The following MYO1C variants were observed in gnomAD, a reference collection of about 807,000 sequenced individuals.
MYO1C encodes myosin IC, also known as unconventional myosin-Ic.
MYO1C carries 104 observed loss-of-function variants against 150.8 expected under a neutral mutation model. The ratio of observed to expected loss-of-function variants is 0.69; its 90% CI spans 0.59 to 0.81. The LOEUF is 0.81. MYO1C is among the 30% of genes least tolerant of loss of function. MYO1C has a pLI of 0.00. For synonymous variants in MYO1C, 663 were observed against 579.9 expected (o/e 1.14, Z -2.06); for missense variants, 1,504 against 1,435.0 (o/e 1.05, Z -0.78).
Position 1,483,665 on chromosome 17 carries a change from G to A in MYO1C, c.292C>T (p.Arg98Trp), listed in dbSNP as rs774773006. Reference sequence around the variant, plus strand: ...CCACGGTAACGCTCCATATGCTGCCGGCTGTAGATCTGCAGGTCCCGGTAG... The same window carrying A: ...CCACGGTAACGCTCCATATGCTGCCAGCTGTAGATCTGCAGGTCCCGGTAG... ...NPYRDLQIYSRQHMERYRGVS... is the reference protein window; with the variant it reads ...NPYRDLQIYSWQHMERYRGVS... Residue 98 changes from arginine to tryptophan, a missense_variant, in exon 3 of 32, where the codon CGG becomes TGG. By Grantham distance (101) the Arg-to-Trp change is moderately radical (BLOSUM62 -3). Coordinates refer to ENST00000648651, the MANE Select transcript of MYO1C (RefSeq NM_001080779.2). 2.6e-5 allele frequency: 42 copies of A among 1,613,220 alleles called. No individual in the cohort carries two copies. In the Middle Eastern group the frequency reaches 6.6e-4, roughly 25 times the overall value.
intron 3 of MYO1C, among the ~76,000 whole-genome samples, chr17:1,483,274 G>T (rs2074575320): frequency 6.6e-6 from 1 of 152,104 alleles, no homozygotes; most frequent in South Asian, 2.1e-4. Flanking sequence ...GCTCTCACAG[G>T]TGGGAGGCTG....
At chr17:1,466,047 C>A (rs1030432776) in intron 31 of MYO1C, among the ~76,000 whole-genome samples, 1 of 152,020 alleles carries the variant, frequency 6.6e-6, no homozygotes, top group African/African-American at 2.4e-5. Context: ...TCAGACCTGA[C>A]TCCCATAGGA....
chr17:1,474,584 T>C lies in MYO1C; in HGVS notation c.1797+26A>G, dbSNP rs2286871. 1,432,528 of 1,611,840 alleles carry C rather than the reference T, an allele frequency of 0.89. 639,636 individuals carry two copies. The highest frequency in any genetic ancestry group is 0.92 in the African/African-American group (68,640 of 74,988). ...ATGCACACTCAGGCGCATGCACCCC[T>C]GCGCCCGGTCCCGCCACCTCCTCAC... is the stretch of plus-strand genomic sequence containing the variant. On this transcript the variant is annotated intron_variant, in intron 17 of 31. Coordinates refer to ENST00000648651, the MANE Select transcript of MYO1C (RefSeq NM_001080779.2).
In MYO1C at chr17:1,472,027, G is replaced by A; in HGVS notation, c.1904-3C>T. On this transcript the variant is annotated splice_polypyrimidine_tract_variant and splice_region_variant and intron_variant, in intron 18 of 31. Transcript: ENST00000648651. The stretch of plus-strand genomic sequence containing the variant: ...GATCAGCACCTCGTCAAAGCGGCCT[G>A]GGGTAGGGGGAGCGCCGTGGTCAGC... 6.2e-7 allele frequency: 1 copy of A among 1,613,922 alleles called. No individual in the cohort carries two copies. Among genetic ancestry groups the A allele is most frequent in the Non-Finnish European group, 8.5e-7 (1 of 1,179,916 alleles).
At position 1,470,473 on chromosome 17, in the gene MYO1C, C is replaced by T; in HGVS notation, c.2328G>A (p.Lys776=). 1.3e-6 allele frequency: 2 copies of T among 1,551,068 alleles called. No homozygotes were observed. The highest frequency in any genetic ancestry group is 1.7e-6 in the Non-Finnish European group (2 of 1,147,196). ...GTGCCGCCCACTTCCTCTTGGCTGC[C>T]TTCCTCCGGCCCAGTGTTCCACGCC... ...SWWRGTLGRR[K]AAKRKWAAQT... Residue 776 remains lysine, a synonymous_variant, in exon 23 of 32, where the codon AAG becomes AAA. Transcript: ENST00000648651.
rs777492589 is a variant in MYO1C, at chr17:1,477,881, G to C, written c.1482+10C>G. On this transcript the variant is annotated intron_variant, in intron 13 of 31. Coordinates refer to ENST00000648651, the MANE Select transcript of MYO1C (RefSeq NM_001080779.2). The stretch of plus-strand genomic sequence containing the variant: ...TCCAGCACCAGGCCTTGGAGGCGCA[G>C]AGGACTCACCAAAATCGAGATGATG... 2.5e-6 allele frequency: 4 copies of C among 1,612,498 alleles called. No individual in the cohort carries two copies. Among genetic ancestry groups the C allele is most frequent in the Non-Finnish European group, 3.4e-6 (4 of 1,178,716 alleles).
Position 1,468,311 on chromosome 17 carries a change from G to C in MYO1C, c.2705-3C>G, listed in dbSNP as rs2074223755. 6.2e-7 allele frequency: 1 copy of C among 1,613,956 alleles called. No individual in the cohort carries two copies. Among genetic ancestry groups the C allele is most frequent in the African/African-American group, 1.3e-5 (1 of 74,916 alleles). On this transcript the variant is annotated splice_polypyrimidine_tract_variant and splice_region_variant and intron_variant, in intron 26 of 31. Transcript: ENST00000648651. ...TCGGGGGCTGATCTCATCTGTACCTGCAACTCAGATGGCGGGGAGGGAAGT... is the reference window on the plus strand; with the variant it reads ...TCGGGGGCTGATCTCATCTGTACCTCCAACTCAGATGGCGGGGAGGGAAGT...
intron 14 of MYO1C, among the ~76,000 whole-genome samples, chr17:1,475,280 G>A (rs1227753051): frequency 6.6e-6 from 1 of 152,186 alleles, no homozygotes; most frequent in Non-Finnish European, 1.5e-5. Flanking sequence ...TTAGCCAGGC[G>A]TGGTGGTGGG....
In MYO1C at chr17:1,478,555, C is replaced by A; in HGVS notation, c.1212+61G>T. ...CGCGTGCCAGCCCCACCCTGCAGCA[C>A]CCCCCGCCTCGCCGACGGCCCTCCC... is the stretch of plus-strand genomic sequence containing the variant. On this transcript the variant is annotated intron_variant, in intron 10 of 31. Transcript: ENST00000648651. The surrounding 1 kb of genome is among the most constrained non-coding windows in gnomAD (Gnocchi z 6.3). 1.2e-6 allele frequency: 2 copies of A among 1,613,568 alleles called. No individual in the cohort carries two copies. The highest frequency in any genetic ancestry group is 2.2e-5 in the East Asian group (1 of 44,878).
intron 13 of MYO1C, 72 bp downstream of exon 13, chr17:1,477,819 G>T: frequency 7.0e-7 from 1 of 1,421,716 alleles, no homozygotes; most frequent in Non-Finnish European, 9.9e-7. Flanking sequence ...GACCAGCCTG[G>T]AGAGAACGGA....
In MYO1C at chr17:1,478,517, C is replaced by T. The variant is rs767272903; in HGVS notation, c.1213-25G>A. 49 of 1,613,916 alleles carry T rather than the reference C, an allele frequency of 3.0e-5. No individual in the cohort carries two copies. The highest frequency in any genetic ancestry group is 1.9e-4 in the South Asian group (17 of 91,088). ...CCTAGGGCAGTCATTCAACCGAAGG[C>T]GTGGGCCCCCTGCGCGTGCCAGCCC... On this transcript the variant is annotated intron_variant, in intron 10 of 31. Coordinates refer to ENST00000648651, the MANE Select transcript of MYO1C (RefSeq NM_001080779.2). This position sits in a 1 kb window ranked among gnomAD's most constrained non-coding sequence, Gnocchi z 6.3.
chr17:1,483,529 T>C, intron 3 of MYO1C, 81 bp downstream of exon 3: 1 of 1,026,446 alleles, frequency 9.7e-7, no homozygotes, highest in Non-Finnish European at 1.5e-6. Context: ...CCAGGATCAT[T>C]TCAGAGTAAG....
intron 14 of MYO1C, among the ~76,000 whole-genome samples, chr17:1,475,914 T>C (rs1275485486): frequency 6.6e-6 from 1 of 151,910 alleles, no homozygotes; most frequent in Non-Finnish European, 1.5e-5. Context: ...TACGGGAAAA[T>C]GTGCAGGATA....
In MYO1C at chr17:1,475,029, G is replaced by C. The variant is rs1276342392; in HGVS notation, c.1578C>G (p.His526Gln). The C allele has an allele frequency of 9.0e-6, 14 of 1,551,340 alleles. No individual in the cohort carries two copies. Among genetic ancestry groups the C allele is most frequent in the African/African-American group, 2.7e-5 (2 of 73,040 alleles). Residue 526 changes from histidine to glutamine, a missense_variant, in exon 15 of 32, where the codon CAC becomes CAG. By Grantham distance (24) the His-to-Gln change is conservative (BLOSUM62 0). Transcript: ENST00000648651. ...TCCTGGTCCGCTGGTCAGCCAGCTTGTGCCTGGGGGTGACAGGGAGGAAGC... is the reference window on the plus strand; with the variant it reads ...TCCTGGTCCGCTGGTCAGCCAGCTTCTGCCTGGGGGTGACAGGGAGGAAGC... ...TVKHHPHFLT[H>Q]KLADQRTRKS...
chr17:1,472,259 C>T (rs369096208), intron 17 of MYO1C, 31 bp from the exon 18 acceptor site: 19 of 1,597,912 alleles, frequency 1.2e-5, no homozygotes, highest in Middle Eastern at 1.7e-4. Context: ...GGAGGTTGGC[C>T]GGAGCTGGGC....
At chr17:1,480,118 C>G (rs1169306919) in intron 7 of MYO1C, among the ~76,000 whole-genome samples, 7 of 131,504 alleles carry the variant, frequency 5.3e-5, no homozygotes, top group African/African-American at 2.1e-4. Context: ...GCACTCCAGC[C>G]TGGGCGAAAG....
At position 1,467,484 on chromosome 17, in the gene MYO1C, C is replaced by A. The variant is rs770047205; in HGVS notation, c.3061G>T (p.Gly1021Cys). 13 of 1,613,270 alleles carry A rather than the reference C, an allele frequency of 8.1e-6. No homozygotes were observed. Among genetic ancestry groups the A allele is most frequent in the Non-Finnish European group, 1.1e-5 (13 of 1,179,930 alleles). ...CGGGGGCCGCCCGCGCCTCACCTGC[C>A]CTGGTTGATGTTGATGCTGTTCACG... ...NRVNSININQ[G>C]SITFAGGPGR... The change falls in exon 30 of 32, where the codon GGC (glycine) becomes TGC (cysteine). Residue 1021 changes from glycine to cysteine, a missense_variant. By Grantham distance (159) the Gly-to-Cys change is radical (BLOSUM62 -3). Transcript: ENST00000648651.
At position 1,474,782 on chromosome 17, in the gene MYO1C, C is replaced by G. The variant is rs1216333861; in HGVS notation, c.1716+30G>C. On this transcript the variant is annotated intron_variant, in intron 16 of 31. Coordinates refer to ENST00000648651, the MANE Select transcript of MYO1C (RefSeq NM_001080779.2). The stretch of plus-strand genomic sequence containing the variant: ...TGCAGAGCTGTGGGCTATCCCCACC[C>G]CCACCCCGGCCTCCCCACGTCCTCC... 4 of 1,603,976 alleles carry G rather than the reference C, an allele frequency of 2.5e-6. No homozygotes were observed. In the South Asian group the frequency reaches 4.4e-5, roughly 18 times the overall value.
intron 1 of MYO1C, among the ~76,000 whole-genome samples, chr17:1,491,397 A>G (rs1598352110): frequency 6.7e-6 from 1 of 150,296 alleles, no homozygotes; most frequent in South Asian, 2.1e-4. Context: ...CGCTCCCCGC[A>G]GGTAAATCTA....
Sources: gnomAD v4.1 joint callset for allele counts (sites outside exome capture counted in the v4.1 genomes callset) on GRCh38, gnomAD v4.1.1 for gene constraint, Gnocchi (gnomAD v3.1) non-coding constraint, MANE v1.5 for transcripts, NCBI Gene and HGNC (gene_info 2026-07-23, HGNC 2026-07-21) for gene names.